Variants in CRNN observed in about 807,000 individuals in gnomAD.
CRNN encodes 53 kDa putative calcium-binding protein.
Under a neutral mutation model 44.7 loss-of-function variants are expected in CRNN, and 39 were observed. The ratio of observed to expected loss-of-function variants is 0.87; its 90% CI spans 0.68 to 1.14. The LOEUF is 1.14. CRNN is among the 50% of genes most tolerant of loss of function. The pLI, the probability that CRNN is intolerant of heterozygous loss-of-function variation, is 0.00. For synonymous variants in CRNN, 240 were observed against 231.8 expected (o/e 1.04, Z -0.32); for missense variants, 606 against 605.1 (o/e 1.00, Z -0.02).
rs1655845751 is a variant in CRNN at position 152,414,229 on chromosome 1, G to A, written c.-29C>T. On this transcript the variant is annotated 5_prime_UTR_variant, in exon 1 of 3. Coordinates refer to ENST00000271835, the MANE Select transcript of CRNN (RefSeq NM_016190.3). ...GGGGACTTACCTAATGCCCAGGTGG[G>A]ATGAAACAAGTGGCTGTTAAGTGGT... 1 of 152,434 alleles carries A rather than the reference G, an allele frequency of 6.6e-6. No homozygotes were observed. The highest frequency in any genetic ancestry group is 1.9e-4 in the East Asian group (1 of 5,208). The allele number at this position is 152,434 out of a possible 1,614,324, so 9.4% of individuals were successfully genotyped here.
At position 152,410,758 on chromosome 1, in the gene CRNN, C is replaced by T. The variant is rs1366109428; in HGVS notation, c.324G>A (p.Gly108=). 6.2e-7 allele frequency: 1 copy of T among 1,614,198 alleles called. No homozygotes were observed. Among genetic ancestry groups the T allele is most frequent in the South Asian group, 1.1e-5 (1 of 91,086 alleles). The change falls in exon 3 of 3, where the codon GGG becomes GGA. Residue 108 remains glycine, a synonymous_variant. Coordinates refer to ENST00000271835, the MANE Select transcript of CRNN (RefSeq NM_016190.3). Reference sequence around the variant, plus strand: ...GTCCTTCGCCCAGCTCCTGCGAGGCCCCAGAGTGGAGGCTTCCAGACTCTT... The same window carrying T: ...GTCCTTCGCCCAGCTCCTGCGAGGCTCCAGAGTGGAGGCTTCCAGACTCTT... ...GSQESGSLHS[G]ASQELGEGQR...
intron 2 of CRNN, 66 bp from the exon 3 acceptor site, chr1:152,411,009 A>G: frequency 1.3e-6 from 2 of 1,514,704 alleles, no homozygotes; most frequent in East Asian, 2.3e-5. Flanking sequence ...GTCCCTTCCA[A>G]TCTGCTGCCA....
At chr1:152,413,112 T>G (rs1481145507) in intron 1 of CRNN, among the ~76,000 whole-genome samples, 1 of 152,210 alleles carries the variant, frequency 6.6e-6, no homozygotes, top group East Asian at 1.9e-4. Context: ...CAAGTTTCTC[T>G]GCATGTCGCC....
In CRNN at chr1:152,410,441, GTCTGTGGCTGTCTCTCTGGCCTCATCTCT is replaced by G. The variant is rs1655720189; in HGVS notation, c.612_640del (p.Glu205GlnfsTer11). Reference sequence around the variant, plus strand: ...CTGGTGGGCTCTGTCCTGTTCCCTGGTCTGTGGCTGTCTCTCTGGCCTCATCTCTGTTGTCTGATTCCTCTTGCCTTCTC... The same window carrying G: ...CTGGTGGGCTCTGTCCTGTTCCCTGGGTTGTCTGATTCCTCTTGCCTTCTC... On this transcript the variant is annotated frameshift_variant, in exon 3 of 3. Transcript: ENST00000271835. LOFTEE classifies it high-confidence loss of function. The G allele has an allele frequency of 1.9e-6, 3 of 1,613,994 alleles. No homozygotes were observed. Among genetic ancestry groups the G allele is most frequent in the Non-Finnish European group, 8.5e-7 (1 of 1,180,032 alleles).
chr1:152,413,710 C>T (rs1463904585), intron 1 of CRNN, among the ~76,000 whole-genome samples: 1 of 152,074 alleles, frequency 6.6e-6, no homozygotes, highest in Non-Finnish European at 1.5e-5. Context: ...AACCACTGAC[C>T]TTTAGATAAT....
Position 152,412,152 on chromosome 1 carries a change from G to A in CRNN, c.82C>T (p.Leu28Phe), listed in dbSNP as rs148131816. ...YARTEGNCTA[L>F]TRGELKRLLE... ...AGTCTTTTCAGCTCCCCTCGGGTGA[G>A]CGCTGTGCAGTTGCCCTCCGTCCTT... Residue 28 changes from leucine (L) to phenylalanine (F), a missense_variant, in exon 2 of 3, where the codon CTC becomes TTC. Coordinates refer to ENST00000271835, the MANE Select transcript of CRNN (RefSeq NM_016190.3). 8 of 1,613,710 alleles carry A rather than the reference G, an allele frequency of 5.0e-6. No individual in the cohort carries two copies. In the East Asian group the frequency reaches 1.1e-4, roughly 22 times the overall value.
Position 152,412,263 on chromosome 1 carries a change from G to T in CRNN, c.-13-17C>A, listed in dbSNP as rs1478940210. The T allele has an allele frequency of 6.3e-7, 1 of 1,593,768 alleles. No individual in the cohort carries two copies. Among genetic ancestry groups the T allele is most frequent in the Admixed American group, 1.7e-5 (1 of 59,436 alleles). On this transcript the variant is annotated splice_polypyrimidine_tract_variant and intron_variant, in intron 1 of 2. Transcript: ENST00000271835. ...GAAGTCAACCTGGAAAAGATGAAAA[G>T]TTCCCTTGGAGGCTCCATAATCAAC...
At position 152,412,368 on chromosome 1, in the gene CRNN, CT is replaced by C. The variant is rs148297420; in HGVS notation, c.-13-123del. 1.9e-4 allele frequency: 190 copies of C among 1,005,532 alleles called. No homozygotes were observed. In the African/African-American group the frequency reaches 2.5e-3, roughly 13 times the overall value. 62.3% of individuals were successfully genotyped at this position (1,005,532 alleles called of 1,614,324 possible). A position where few individuals can be genotyped will look rare whatever the true frequency, so the allele number is the denominator to read the frequency against. ...GCTCTGTTTTTAGTTTTCCTTTGTC[CT>C]TTCCTACATAATGCATCTTATGTAT... On this transcript the variant is annotated intron_variant, in intron 1 of 2. Transcript: ENST00000271835.
At position 152,410,482 on chromosome 1, in the gene CRNN, C is replaced by T. The variant is rs756485052; in HGVS notation, c.600G>A (p.Arg200=). 6 of 1,614,036 alleles carry T rather than the reference C, an allele frequency of 3.7e-6. No homozygotes were observed. In the African/African-American group the frequency reaches 6.7e-5, roughly 18 times the overall value. ...CTGGCCTCATCTCTGTTGTCTGATT[C>T]CTCTTGCCTTCTCCAGCTTTCTGGG... ...EQTQKAGEGK[R]NQTTEMRPER... The change falls in exon 3 of 3, where the codon AGG becomes AGA. Residue 200 remains arginine (R), a synonymous_variant. Coordinates refer to ENST00000271835, the MANE Select transcript of CRNN (RefSeq NM_016190.3).
Position 152,412,153 on chromosome 1 carries a change from C to T in CRNN, c.81G>A (p.Ala27=), listed in dbSNP as rs768762957. ...GTCTTTTCAGCTCCCCTCGGGTGAG[C>T]GCTGTGCAGTTGCCCTCCGTCCTTG... is the stretch of plus-strand genomic sequence containing the variant. ...RYARTEGNCT[A]LTRGELKRLL... is the part of the protein sequence containing the mutation. The change falls in exon 2 of 3, where the codon GCG becomes GCA. Residue 27 remains alanine, a synonymous_variant. Transcript: ENST00000271835. 5 of 1,613,578 alleles carry T rather than the reference C, an allele frequency of 3.1e-6. No homozygotes were observed. Among genetic ancestry groups the T allele is most frequent in the East Asian group, 2.2e-5 (1 of 44,884 alleles).
In CRNN at chr1:152,409,905, G is replaced by T. The variant is rs1655697851; in HGVS notation, c.1177C>A (p.Pro393Thr). 6.2e-7 allele frequency: 1 copy of T among 1,614,122 alleles called. No homozygotes were observed. The highest frequency in any genetic ancestry group is 8.5e-7 in the Non-Finnish European group (1 of 1,180,040). ...SGQRWMQVSNPEAGETVPGGQ... is the reference protein window; with the variant it reads ...SGQRWMQVSNTEAGETVPGGQ... The stretch of plus-strand genomic sequence containing the variant: ...CCCGGTACTGTCTCTCCTGCCTCAG[G>T]GTTGCTCACTTGCATCCATCTTTGA... The change falls in exon 3 of 3, where the codon CCT (proline) becomes ACT (threonine). Residue 393 changes from proline to threonine, a missense_variant. By Grantham distance (38) the Pro-to-Thr change is conservative. Transcript: ENST00000271835.
chr1:152,410,816 A>G lies in CRNN; in HGVS notation c.266T>C (p.Leu89Pro), dbSNP rs768154235. 3.1e-6 allele frequency: 5 copies of G among 1,614,222 alleles called. No homozygotes were observed. The highest frequency in any genetic ancestry group is 3.4e-6 in the Non-Finnish European group (4 of 1,180,036). ...GCAGGCTCCCTCAGCACTCTCGCTC[A>G]GTGTCTTGAAACAGGCCTGGGCAAC... The part of the protein sequence containing the change: ...FKVAQACFKT[L>P]SESAEGACGS... The change falls in exon 3 of 3, where the codon CTG becomes CCG. Residue 89 changes from leucine (L) to proline (P), a missense_variant. Transcript: ENST00000271835.
Position 152,409,547 on chromosome 1 carries a change from T to TCTCTCCA in CRNN, c.*40_*46dup, listed in dbSNP as rs758346636. On this transcript the variant is annotated 3_prime_UTR_variant, in exon 3 of 3. Transcript: ENST00000271835. ...ATTGGCCATGCAGGACAAGCCAAAC[T>TCTCTCCA]CTCTCCAGCTGTCTTCTTCCAGTAC... 7 of 1,566,134 alleles carry TCTCTCCA rather than the reference T, an allele frequency of 4.5e-6. No individual in the cohort carries two copies. The highest frequency in any genetic ancestry group is 6.1e-6 in the Non-Finnish European group (7 of 1,155,364).
Position 152,409,508 on chromosome 1 carries a change from G to T in CRNN, c.*86C>A. On this transcript the variant is annotated 3_prime_UTR_variant, in exon 3 of 3. Transcript: ENST00000271835. Reference sequence around the variant, plus strand: ...GCATAATGAAGAGCTGATGTCCAGGGATGCACCCACTGGATTGGCCATGCA... The same window carrying T: ...GCATAATGAAGAGCTGATGTCCAGGTATGCACCCACTGGATTGGCCATGCA... 1 of 1,529,176 alleles carries T rather than the reference G, an allele frequency of 6.5e-7. No homozygotes were observed. The highest frequency in any genetic ancestry group is 8.8e-7 in the Non-Finnish European group (1 of 1,140,932). 94.7% of individuals were successfully genotyped at this position (1,529,176 alleles called of 1,614,324 possible). A position where few individuals can be genotyped will look rare whatever the true frequency, so the allele number is the denominator to read the frequency against.
At position 152,410,831 on chromosome 1, in the gene CRNN, G is replaced by A; in HGVS notation, c.251C>T (p.Ala84Val). Residue 84 changes from alanine (A) to valine (V), a missense_variant, in exon 3 of 3, where the codon GCC becomes GTC. Coordinates refer to ENST00000271835, the MANE Select transcript of CRNN (RefSeq NM_016190.3). ...FLVLVFKVAQ[A>V]CFKTLSESAE... ...ACTCTCGCTCAGTGTCTTGAAACAG[G>A]CCTGGGCAACTTTAAACACTAAGAC... 1 of 1,614,206 alleles carries A rather than the reference G, an allele frequency of 6.2e-7. No individual in the cohort carries two copies. The highest frequency in any genetic ancestry group is 8.5e-7 in the Non-Finnish European group (1 of 1,180,024).
chr1:152,410,659 C>T lies in CRNN; in HGVS notation c.423G>A (p.Gln141=). The T allele has an allele frequency of 1.2e-6, 2 of 1,614,092 alleles. No homozygotes were observed. The highest frequency in any genetic ancestry group is 1.7e-6 in the Non-Finnish European group (2 of 1,179,984). ...GCCTGTTCTGCCCTCTGGAACCCTG[C>T]TGGCTCTGTCTGTGGCTGCTCCCCT... ...HYEGSSHRQS[Q]QGSRGQNRPG... The change falls in exon 3 of 3, where the codon CAG becomes CAA. Residue 141 remains glutamine, a synonymous_variant. Transcript: ENST00000271835.
chr1:152,410,964 A>G (rs1302681536), intron 2 of CRNN, 21 bp from the exon 3 acceptor site: 1 of 1,580,170 alleles, frequency 6.3e-7, no homozygotes, highest in East Asian at 2.2e-5. Context: ...GATGAGGTGG[A>G]GTCAGCATCC....
In CRNN at chr1:152,412,207, A is replaced by AT. The variant is rs761458279; in HGVS notation, c.26dup (p.Asn9LysfsTer48). On this transcript the variant is annotated frameshift_variant, in exon 2 of 3. Coordinates refer to ENST00000271835, the MANE Select transcript of CRNN (RefSeq NM_016190.3). LOFTEE classifies it high-confidence loss of function. Reference sequence around the variant, plus strand: ...AGCGCCTGAAGGCCTCGATGATCCCATTAATGTTTTGCAGTAACTGAGGCA... The same window carrying AT: ...AGCGCCTGAAGGCCTCGATGATCCCATTTAATGTTTTGCAGTAACTGAGGCA... 6.2e-7 allele frequency: 1 copy of AT among 1,611,834 alleles called. No homozygotes were observed. The highest frequency in any genetic ancestry group is 1.1e-5 in the South Asian group (1 of 90,988).
intron 1 of CRNN, among the ~76,000 whole-genome samples, chr1:152,413,808 G>A (rs1020327757): frequency 2.0e-5 from 3 of 152,146 alleles, no homozygotes; most frequent in Non-Finnish European, 4.4e-5. Context: ...TGGTGTAGGA[G>A]AGGGGAATCA....
Sources: gnomAD v4.1 joint callset for allele counts (sites outside exome capture counted in the v4.1 genomes callset) on GRCh38, gnomAD v4.1.1 for gene constraint, MANE v1.5 for transcripts, NCBI Gene and HGNC (gene_info 2026-07-23, HGNC 2026-07-21) for gene names.